SERPINI1: variants seen among roughly 807,000 people sequenced by gnomAD.
The protein encoded by SERPINI1 is neuroserpin.
Under a neutral mutation model 41.1 loss-of-function variants are expected in SERPINI1, and 19 were observed. The ratio of observed to expected loss-of-function variants is 0.46; its 90% CI spans 0.32 to 0.68. The LOEUF (loss-of-function observed/expected upper bound fraction) is 0.68, where lower values mean the gene tolerates loss of function less well. Among genes scored for constraint, SERPINI1 ranks in the 30% least tolerant of loss-of-function variants. SERPINI1 has a pLI of 0.03. For synonymous variants in SERPINI1, 138 were observed against 156.6 expected (o/e 0.88, Z 0.89); for missense variants, 460 against 479.2 (o/e 0.96, Z 0.37).
intron 6 of SERPINI1, among the ~76,000 whole-genome samples, chr3:167,812,357 C>T (rs1312650847): frequency 6.6e-6 from 1 of 152,206 alleles, no homozygotes; most frequent in Non-Finnish European, 1.5e-5. Flanking sequence ...AACTCCTGCC[C>T]AGCCAAACTA....
chr3:167,739,543 T>C (rs927407086), intron 1 of SERPINI1, among the ~76,000 whole-genome samples: 1 of 152,210 alleles, frequency 6.6e-6, no homozygotes, highest in Admixed American at 6.5e-5. Context: ...ATAGGATATA[T>C]AGGCGAGGGT....
chr3:167,792,529 TG>T, intron 3 of SERPINI1, 60 bp from the exon 4 acceptor site: 2 of 1,396,556 alleles, frequency 1.4e-6, no homozygotes, highest in Non-Finnish European at 2.0e-6. Flanking sequence ...GAAAATCTTC[TG>T]GTCCCCCTTG....
intron 1 of SERPINI1, among the ~76,000 whole-genome samples, chr3:167,760,539 G>A (rs9883327): frequency 0.36 from 54,189 of 149,666 alleles, 11,395 homozygotes; most frequent in African/African-American, 0.6. Flanking sequence ...AATTTCCTCA[G>A]TTCTGGAAGC....
intron 1 of SERPINI1, among the ~76,000 whole-genome samples, chr3:167,762,020 G>T (rs1039617606): frequency 6.6e-6 from 1 of 152,008 alleles, no homozygotes; most frequent in Non-Finnish European, 1.5e-5. Context: ...CATGAAAAAC[G>T]TTCTTAAGAC....
intron 5 of SERPINI1, among the ~76,000 whole-genome samples, chr3:167,802,645 G>A (rs1350048241): frequency 6.2e-5 from 9 of 145,556 alleles, no homozygotes; most frequent in Admixed American, 1.4e-4. Flanking sequence ...TGGAGAGGAT[G>A]TGGAGAAATA....
At position 167,743,711 on chromosome 3, in the gene SERPINI1, T is replaced by C. The variant is rs927425392; in HGVS notation, c.-19+7888T>C. 1.1e-4 allele frequency among the ~76,000 whole-genome samples: 17 copies of C among 152,116 alleles called. 1 individual carries two copies. Among genetic ancestry groups the C allele is most frequent in the Non-Finnish European group, 2.9e-5 (2 of 67,984 alleles). On this transcript the variant is annotated intron_variant, in intron 1 of 8. Transcript: ENST00000446050. ...AATTACTGTCTGGCATAATCTTTTGTCAATATAGTTAATAAAAGAAGGCAT... is the reference window on the plus strand; with the variant it reads ...AATTACTGTCTGGCATAATCTTTTGCCAATATAGTTAATAAAAGAAGGCAT...
intron 1 of SERPINI1, among the ~76,000 whole-genome samples, chr3:167,748,750 CTCTG>C (rs1280819099): frequency 1.7e-4 from 18 of 104,450 alleles, no homozygotes; most frequent in African/African-American, 4.9e-4. Flanking sequence ...GAGTGTGTTA[CTCTG>C]TGTGTGTGTG....
At chr3:167,796,345 A>G (rs1727711020) in intron 5 of SERPINI1, among the ~76,000 whole-genome samples, 1 of 151,744 alleles carries the variant, frequency 6.6e-6, no homozygotes, top group Non-Finnish European at 1.5e-5. Flanking sequence ...TATATTTTCT[A>G]TTTTTTATAT....
chr3:167,798,088 TCTAAATGAATGCTTA>T (rs1727774246), intron 5 of SERPINI1, among the ~76,000 whole-genome samples: 1 of 152,270 alleles, frequency 6.6e-6, no homozygotes, highest in Non-Finnish European at 1.5e-5. Flanking sequence ...TTAACAGAAT[TCTAAATGAATGCTTA>T]CTAAATATTA....
intron 1 of SERPINI1, among the ~76,000 whole-genome samples, chr3:167,782,955 G>C (rs1727186709): frequency 6.6e-6 from 1 of 152,194 alleles, no homozygotes; most frequent in Non-Finnish European, 1.5e-5. Flanking sequence ...GTAGAAAGTT[G>C]TGCTGCGTCA....
chr3:167,794,828 T>G lies in SERPINI1; in HGVS notation c.881+4T>G, dbSNP rs766034834. The stretch of plus-strand genomic sequence containing the variant: ...AAGTAGAAGTATACCTGCCCAGGTA[T>G]GAGGTTCCTGTGTCACCCGTCCCAC... On this transcript the variant is annotated splice_donor_region_variant and intron_variant, in intron 5 of 8. Coordinates refer to ENST00000446050, the MANE Select transcript of SERPINI1 (RefSeq NM_001122752.2). The G allele has an allele frequency of 1.7e-5, 27 of 1,611,948 alleles. No homozygotes were observed. Among genetic ancestry groups the G allele is most frequent in the Non-Finnish European group, 2.2e-5 (26 of 1,179,356 alleles).
chr3:167,792,426 A>G lies in SERPINI1; in HGVS notation c.482-164A>G, dbSNP rs7433287. Reference sequence around the variant, plus strand: ...GTAGTGTGTGTGTATGTGTGTGTGTATAACTCTTTTCCCTTTGGAAGTAAG... The same window carrying G: ...GTAGTGTGTGTGTATGTGTGTGTGTGTAACTCTTTTCCCTTTGGAAGTAAG... On this transcript the variant is annotated intron_variant, in intron 3 of 8. Coordinates refer to ENST00000446050, the MANE Select transcript of SERPINI1 (RefSeq NM_001122752.2). Among the ~76,000 whole-genome samples, 67,533 of 151,336 alleles carry G rather than the reference A, an allele frequency of 0.45. 15,958 individuals are homozygous for G. The highest frequency in any genetic ancestry group is 0.61 in the African/African-American group (24,897 of 41,138).
intron 5 of SERPINI1, among the ~76,000 whole-genome samples, chr3:167,795,268 A>AC (rs1314014120): frequency 6.6e-6 from 1 of 152,190 alleles, no homozygotes; most frequent in African/African-American, 2.4e-5. Flanking sequence ...CAAGCAAGTC[A>AC]CTGTGCTAGG....
At chr3:167,765,256 T>A (rs1182525588) in intron 1 of SERPINI1, among the ~76,000 whole-genome samples, 1 of 152,256 alleles carries the variant, frequency 6.6e-6, no homozygotes. Flanking sequence ...AGCAAACTTC[T>A]GCCTGGGCAA....
chr3:167,736,344 G>C, intron 1 of SERPINI1, among the ~76,000 whole-genome samples: 1 of 152,180 alleles, frequency 6.6e-6, no homozygotes, highest in East Asian at 1.9e-4. Flanking sequence ...GCAAGTGCAG[G>C]CAGGAATAGT....
intron 1 of SERPINI1, among the ~76,000 whole-genome samples, chr3:167,772,022 C>G (rs1726771820): frequency 6.6e-6 from 1 of 152,176 alleles, no homozygotes; most frequent in South Asian, 2.1e-4. Flanking sequence ...AGGTTCAGAT[C>G]CCCTCTTCAC....
chr3:167,753,455 A>C (rs910932085), intron 1 of SERPINI1, among the ~76,000 whole-genome samples: 6 of 152,286 alleles, frequency 3.9e-5, no homozygotes, highest in Admixed American at 3.9e-4. Flanking sequence ...GGAAGCATCT[A>C]ATGTATAGCA....
rs570848958 is a variant in SERPINI1 at position 167,736,012 on chromosome 3, A to G, written c.-19+189A>G. On this transcript the variant is annotated intron_variant, in intron 1 of 8. Coordinates refer to ENST00000446050, the MANE Select transcript of SERPINI1 (RefSeq NM_001122752.2). ...AGCAAAAGGAAGCTTGACTCTGGGT[A>G]TAAAGGGCGTGGTTAGTGTTTTTGG... The G allele has an allele frequency of 3.9e-5, 6 of 152,328 alleles. No homozygotes were observed. The East Asian group carries it at 1.2e-3, about 29-fold the overall frequency. 9.4% of individuals were successfully genotyped at this position (152,328 alleles called of 1,614,324 possible).
intron 6 of SERPINI1, among the ~76,000 whole-genome samples, chr3:167,820,776 C>T (rs560170294): frequency 6.6e-5 from 10 of 152,284 alleles, no homozygotes; most frequent in Non-Finnish European, 1.0e-4. Context: ...GGGGAGGGTC[C>T]CCAGTGAAAC....
Sources: gnomAD v4.1 joint callset for allele counts (sites outside exome capture counted in the v4.1 genomes callset) on GRCh38, gnomAD v4.1.1 for gene constraint, MANE v1.5 for transcripts, NCBI Gene and HGNC (gene_info 2026-07-23, HGNC 2026-07-21) for gene names.